PTPRB: variants seen among roughly 807,000 people sequenced by gnomAD.
The protein encoded by PTPRB is receptor-type tyrosine-protein phosphatase beta.
PTPRB carries 97 observed loss-of-function variants against 238.1 expected under a neutral mutation model. That is an observed-to-expected ratio of 0.41 (90% CI 0.35 to 0.48). The LOEUF (loss-of-function observed/expected upper bound fraction) is 0.48, where lower values mean the gene tolerates loss of function less well. Ranked by LOEUF, PTPRB falls within the 20% of genes least tolerant of loss-of-function variation. The pLI, the probability that PTPRB is intolerant of heterozygous loss-of-function variation, is 0.30. For missense variants in PTPRB, 2,292 were observed against 2,681.9 expected (o/e 0.85, Z 3.21); for synonymous variants, 970 against 995.4 (o/e 0.97, Z 0.48).
intron 22 of PTPRB, among the ~76,000 whole-genome samples, chr12:70,543,320 A>T (rs1315686419): frequency 2.0e-5 from 3 of 152,124 alleles, no homozygotes; most frequent in Non-Finnish European, 4.4e-5. Context: ...GCTTTTCAAG[A>T]CTCATCAAAT....
At position 70,596,340 on chromosome 12, in the gene PTPRB, T is replaced by TAA. The variant is rs143830848; in HGVS notation, c.980-14_980-13insTT. On this transcript the variant is annotated splice_polypyrimidine_tract_variant and intron_variant, in intron 4 of 33. Coordinates refer to ENST00000334414, the MANE Select transcript of PTPRB (RefSeq NM_001109754.4). The stretch of plus-strand genomic sequence containing the variant: ...GGAGGTAAAGGATCTGCAAGGCAAA[T>TAA]ACACACACACACACAAAAAAAAAAA... The TAA allele has an allele frequency of 1.0e-5, 13 of 1,265,288 alleles. No homozygotes were observed. The highest frequency in any genetic ancestry group is 1.3e-5 in the Non-Finnish European group (13 of 988,492). 78.4% of individuals were successfully genotyped at this position (1,265,288 alleles called of 1,614,324 possible). A position where few individuals can be genotyped will look rare whatever the true frequency, so the allele number is the denominator to read the frequency against.
At chr12:70,534,758 A>G (rs1565908695) in intron 30 of PTPRB, 75 bp downstream of exon 30, 1 of 1,600,548 alleles carries the variant, frequency 6.2e-7, no homozygotes. Flanking sequence ...ACAAGAGAGG[A>G]ACCAGCGAAA....
chr12:70,574,401 TG>T (rs1880460298), intron 11 of PTPRB, among the ~76,000 whole-genome samples: 2 of 152,174 alleles, frequency 1.3e-5, no homozygotes, highest in Non-Finnish European at 2.9e-5. Context: ...CCAATTACAG[TG>T]TTGTTAGAAT....
At chr12:70,562,064 G>A (rs1330124228) in intron 16 of PTPRB, among the ~76,000 whole-genome samples, 1 of 152,214 alleles carries the variant, frequency 6.6e-6, no homozygotes, top group Non-Finnish European at 1.5e-5. Context: ...TAGCCCAGGA[G>A]TTCAAGACCA....
At chr12:70,551,588 T>C (rs574782098) in intron 21 of PTPRB, among the ~76,000 whole-genome samples, 1 of 152,174 alleles carries the variant, frequency 6.6e-6, no homozygotes, top group African/African-American at 2.4e-5. Context: ...ATACTTCAAA[T>C]ATGTGAGAAC....
At chr12:70,559,737 T>G (rs1878219375) in intron 17 of PTPRB, 113 bp from the exon 18 acceptor site, 1 of 1,007,870 alleles carries the variant, frequency 9.9e-7, no homozygotes, top group Non-Finnish European at 1.4e-6. Flanking sequence ...TAGGAAGAGA[T>G]AATATGATAA....
At chr12:70,541,031 G>T in intron 22 of PTPRB, 74 bp from the exon 23 acceptor site, 1 of 1,162,496 alleles carries the variant, frequency 8.6e-7, no homozygotes, top group Non-Finnish European at 1.2e-6. Flanking sequence ...GAAAGCTATT[G>T]AAGCCATATC....
intron 12 of PTPRB, 151 bp from the exon 13 acceptor site, chr12:70,571,440 A>C (rs963802735): frequency 1.3e-6 from 1 of 791,332 alleles, no homozygotes; most frequent in Non-Finnish European, 1.9e-6. Context: ...AACAAGAAAA[A>C]TTGGAAGCAA....
intron 10 of PTPRB, among the ~76,000 whole-genome samples, chr12:70,578,807 G>C (rs189629205): frequency 3.5e-4 from 54 of 152,164 alleles, no homozygotes; most frequent in Non-Finnish European, 6.3e-4. Context: ...ATGGTTCCCC[G>C]ACCATTTCCT....
At chr12:70,583,617 A>G (rs1881603882) in intron 9 of PTPRB, among the ~76,000 whole-genome samples, 1 of 152,170 alleles carries the variant, frequency 6.6e-6, no homozygotes, top group South Asian at 2.1e-4. Context: ...ATACAACTTC[A>G]GCCTTCTTAA....
intron 16 of PTPRB, 147 bp downstream of exon 16, chr12:70,562,697 A>G: frequency 1.9e-6 from 2 of 1,028,476 alleles, no homozygotes; most frequent in Admixed American, 2.7e-5. Flanking sequence ...CAAAGGTGCG[A>G]TTTAGGGTCA....
chr12:70,596,142 A>C lies in PTPRB; in HGVS notation c.1165T>G (p.Phe389Val). 1 of 1,613,732 alleles carries C rather than the reference A, an allele frequency of 6.2e-7. No homozygotes were observed. Among genetic ancestry groups the C allele is most frequent in the South Asian group, 1.1e-5 (1 of 91,060 alleles). ...TATTTACTACCAGCAGTGAGATTGA[A>C]AAAAGTGTATTCATTCCATGAAGTA... Reference protein sequence around the residue: ...ESTSWNEYTFFNLTAGSKYNI... With the variant: ...ESTSWNEYTFVNLTAGSKYNI... Residue 389 changes from phenylalanine to valine, a missense_variant, in exon 5 of 34, where the codon TTC (phenylalanine) becomes GTC (valine). Physicochemically the swap from Phe to Val is conservative, Grantham distance 50. Transcript: ENST00000334414.
intron 18 of PTPRB, among the ~76,000 whole-genome samples, chr12:70,556,777 A>C (rs1374603002): frequency 6.6e-6 from 1 of 152,220 alleles, no homozygotes; most frequent in African/African-American, 2.4e-5. Context: ...GAGGGGGAAA[A>C]ACAACTTACA....
intron 21 of PTPRB, among the ~76,000 whole-genome samples, chr12:70,546,742 C>T (rs562957867): frequency 1.3e-5 from 2 of 152,178 alleles, no homozygotes; most frequent in African/African-American, 2.4e-5. Context: ...TTGAGAGCTC[C>T]CAGTCACTGG....
chr12:70,604,338 A>G (rs1171769678), intron 4 of PTPRB, among the ~76,000 whole-genome samples: 2 of 152,238 alleles, frequency 1.3e-5, no homozygotes, highest in Non-Finnish European at 2.9e-5. Context: ...ACTCCTAGGC[A>G]TTATAGATTT....
intron 12 of PTPRB, 134 bp downstream of exon 12, chr12:70,571,690 G>C: frequency 1.0e-6 from 1 of 996,262 alleles, no homozygotes; most frequent in Non-Finnish European, 1.4e-6. Flanking sequence ...TTGGCTGAAT[G>C]ATGTTAGCAC....
chr12:70,618,262 G>A lies in PTPRB; in HGVS notation c.708+4128C>T, dbSNP rs535739024. 5.3e-5 allele frequency among the ~76,000 whole-genome samples: 8 copies of A among 152,104 alleles called. No individual in the cohort carries two copies. The South Asian group carries it at 6.2e-4, about 12-fold the overall frequency. On this transcript the variant is annotated intron_variant, in intron 3 of 33. Coordinates refer to ENST00000334414, the MANE Select transcript of PTPRB (RefSeq NM_001109754.4). ...TCACAGGCACGCACCACCATATCTG[G>A]GTAATTTTTAATTTTTTTATTTTTT... is the stretch of plus-strand genomic sequence containing the variant.
chr12:70,530,409 A>T (rs1592394863), intron 32 of PTPRB, among the ~76,000 whole-genome samples: 1 of 152,318 alleles, frequency 6.6e-6, no homozygotes, highest in Middle Eastern at 3.4e-3. Context: ...TCACATATGC[A>T]TACAAATGTA....
At chr12:70,617,293 A>G (rs1408861766) in intron 3 of PTPRB, among the ~76,000 whole-genome samples, 1 of 152,248 alleles carries the variant, frequency 6.6e-6, no homozygotes, top group Non-Finnish European at 1.5e-5. Context: ...AGAAAACTAT[A>G]GTCCATGTTA....
Sources: gnomAD v4.1 joint callset for allele counts (sites outside exome capture counted in the v4.1 genomes callset) on GRCh38, gnomAD v4.1.1 for gene constraint, MANE v1.5 for transcripts, NCBI Gene and HGNC (gene_info 2026-07-23, HGNC 2026-07-21) for gene names.